RARB: variants seen among roughly 807,000 people sequenced by gnomAD.
The protein encoded by RARB is HBV-activated protein.
RARB carries 17 observed loss-of-function variants against 51.9 expected under a neutral mutation model. That is an observed-to-expected ratio of 0.33 (90% CI 0.22 to 0.49). RARB has a LOEUF of 0.49. RARB is among the 20% of genes least tolerant of loss of function. The pLI is 0.99. For missense variants in RARB, 369 were observed against 550.8 expected, an observed-to-expected ratio of 0.67 and a Z score of 3.30; for synonymous variants, 215 against 195.4, an observed-to-expected ratio of 1.10 and a Z score of -0.84.
chr3:25,489,774 C>A (rs1286654), intron 2 of RARB, among the ~76,000 whole-genome samples: 43,315 of 152,112 alleles, frequency 0.28, 6,367 homozygotes, highest in East Asian at 0.45. Flanking sequence ...AGGCACTGAG[C>A]AGAGAGAAAA....
chr3:25,228,431 A>G (rs1171723026), intron 5 of RARB, among the ~76,000 whole-genome samples: 1 of 151,648 alleles, frequency 6.6e-6, no homozygotes, highest in Admixed American at 6.6e-5. Flanking sequence ...TTCTTCAGTA[A>G]TTTTATGGCT....
intron 3 of RARB, among the ~76,000 whole-genome samples, chr3:25,084,254 T>G (rs1407327634): frequency 2.6e-5 from 4 of 152,320 alleles, no homozygotes; most frequent in African/African-American, 9.6e-5. Context: ...TTGGAATGCC[T>G]TCCCCAGCAG....
chr3:25,346,626 C>T (rs547965348), intron 5 of RARB, among the ~76,000 whole-genome samples: 2 of 152,260 alleles, frequency 1.3e-5, no homozygotes, highest in East Asian at 1.9e-4. Context: ...CAGAATGTGC[C>T]CTGATTGTCT....
chr3:25,018,651 T>C (rs1697565219), intron 2 of RARB, among the ~76,000 whole-genome samples: 1 of 152,180 alleles, frequency 6.6e-6, no homozygotes, highest in South Asian at 2.1e-4. Context: ...GGTAATAATA[T>C]TCATGTAGTT....
At chr3:25,287,437 T>C (rs1703682642) in intron 5 of RARB, among the ~76,000 whole-genome samples, 1 of 152,154 alleles carries the variant, frequency 6.6e-6, no homozygotes, top group Non-Finnish European at 1.5e-5. Context: ...AAATAACCTC[T>C]CATTCTAAGG....
At chr3:24,953,407 C>T (rs889111645) in intron 2 of RARB, among the ~76,000 whole-genome samples, 5 of 152,158 alleles carry the variant, frequency 3.3e-5, no homozygotes, top group Non-Finnish European at 7.4e-5. Flanking sequence ...GTTAGAATTG[C>T]TTTAAAGAAC....
chr3:25,038,512 C>T (rs960643431), intron 2 of RARB, among the ~76,000 whole-genome samples: 51 of 152,200 alleles, frequency 3.4e-4, no homozygotes, highest in African/African-American at 1.2e-3. Flanking sequence ...ATATATAGGT[C>T]ATTGTGGCCC....
intron 5 of RARB, among the ~76,000 whole-genome samples, chr3:25,593,100 T>G (rs1265937304): frequency 1.3e-5 from 2 of 152,194 alleles, no homozygotes; most frequent in Admixed American, 6.5e-5. Context: ...TGATATATAC[T>G]ATGCATTTAA....
intron 5 of RARB, among the ~76,000 whole-genome samples, chr3:25,216,192 C>T (rs1348179892): frequency 6.6e-6 from 1 of 152,190 alleles, no homozygotes; most frequent in Non-Finnish European, 1.5e-5. Context: ...AATGGGCCCC[C>T]TGCTTGCTGC....
chr3:24,984,680 T>G (rs905813760), intron 2 of RARB, among the ~76,000 whole-genome samples: 8 of 152,308 alleles, frequency 5.3e-5, no homozygotes, highest in African/African-American at 1.9e-4. Context: ...TAATGTACAG[T>G]GTGGTGACTA....
intron 2 of RARB, among the ~76,000 whole-genome samples, chr3:25,007,836 T>C (rs1460250620): frequency 1.3e-5 from 2 of 151,894 alleles, no homozygotes; most frequent in Non-Finnish European, 2.9e-5. Flanking sequence ...ATCTCTGTGG[T>C]GGAGAGAGGT....
At chr3:25,190,734 G>A (rs146331141) in intron 5 of RARB, among the ~76,000 whole-genome samples, 3 of 152,230 alleles carry the variant, frequency 2.0e-5, no homozygotes, top group East Asian at 3.9e-4. Context: ...CCCACTTCTA[G>A]ATTTTTTTCT....
At chr3:25,513,503 C>T (rs986016785) in intron 3 of RARB, among the ~76,000 whole-genome samples, 18 of 152,108 alleles carry the variant, frequency 1.2e-4, no homozygotes, top group Non-Finnish European at 2.5e-4. Context: ...CCCATTTTTA[C>T]CTTTCCCATT....
intron 3 of RARB, among the ~76,000 whole-genome samples, chr3:25,120,989 C>A (rs989498422): frequency 3.9e-5 from 6 of 152,086 alleles, no homozygotes; most frequent in African/African-American, 1.4e-4. Flanking sequence ...AAAAAGTTGG[C>A]CAGCTCCTGA....
chr3:25,557,413 T>C (rs1192312428), intron 3 of RARB, among the ~76,000 whole-genome samples: 1 of 152,168 alleles, frequency 6.6e-6, no homozygotes, highest in Non-Finnish European at 1.5e-5. Context: ...CCCAAGGCTC[T>C]CTCCGCAGCC....
intron 3 of RARB, among the ~76,000 whole-genome samples, chr3:25,107,872 T>C (rs1237702878): frequency 6.6e-6 from 1 of 152,204 alleles, no homozygotes; most frequent in Non-Finnish European, 1.5e-5. Context: ...CCTCAGCATA[T>C]AATTTTTCTT....
intron 2 of RARB, among the ~76,000 whole-genome samples, chr3:25,003,193 G>GAAAAAAAA (rs1697203000): frequency 7.7e-6 from 1 of 129,274 alleles, no homozygotes; most frequent in African/African-American, 3.5e-5. Context: ...AGATCATAAT[G>GAAAAAAAA]CAAAAAAAAA....
chr3:25,164,476 T>G (rs1700529288), intron 4 of RARB, among the ~76,000 whole-genome samples: 1 of 152,220 alleles, frequency 6.6e-6, no homozygotes, highest in African/African-American at 2.4e-5. Flanking sequence ...GACCATCTCA[T>G]TTATTTGACC....
At chr3:25,461,106 C>T in intron 1 of RARB, 87 bp from the exon 2 acceptor site, 8 of 1,428,404 alleles carry the variant, frequency 5.6e-6, no homozygotes, top group African/African-American at 1.4e-5. Context: ...GAATTTGGGG[C>T]AGAAGCATAT....
Sources: gnomAD v4.1 joint callset for allele counts (sites outside exome capture counted in the v4.1 genomes callset) on GRCh38, gnomAD v4.1.1 for gene constraint, MANE v1.5 for transcripts, NCBI Gene and HGNC (gene_info 2026-07-23, HGNC 2026-07-21) for gene names.